Variants in RAPGEF6 observed in about 807,000 individuals in gnomAD.
RAPGEF6 encodes the protein PDZ domain containing guanine nucleotide exchange factor (GEF) 2.
RAPGEF6 carries 56 observed loss-of-function variants against 171.4 expected under a neutral mutation model. That is an observed-to-expected ratio of 0.33 (90% CI 0.26 to 0.41). RAPGEF6 has a LOEUF of 0.41. RAPGEF6 is among the 10% of genes least tolerant of loss of function. RAPGEF6 has a pLI of 1.00. For synonymous variants in RAPGEF6, 692 were observed against 650.1 expected (o/e 1.06, Z -0.98); for missense variants, 1,674 against 1,921.4 (o/e 0.87, Z 2.41).
intron 21 of RAPGEF6, among the ~76,000 whole-genome samples, chr5:131,448,251 T>A (rs1185080642): frequency 6.6e-6 from 1 of 152,206 alleles, no homozygotes; most frequent in East Asian, 1.9e-4. Context: ...TTTCAGAAGA[T>A]TCATATTTTG....
chr5:131,543,861 A>G (rs1482671845), intron 6 of RAPGEF6, among the ~76,000 whole-genome samples: 2 of 152,204 alleles, frequency 1.3e-5, no homozygotes, highest in African/African-American at 4.8e-5. Flanking sequence ...CTGAAACTAT[A>G]TGAAGACATT....
chr5:131,539,201 A>C (rs539823951), intron 6 of RAPGEF6, among the ~76,000 whole-genome samples: 1 of 152,376 alleles, frequency 6.6e-6, no homozygotes, highest in African/African-American at 2.4e-5. Flanking sequence ...TCCTGAGTTT[A>C]GAAGTAACAA....
At chr5:131,625,544 G>A (rs1169548212) in intron 1 of RAPGEF6, among the ~76,000 whole-genome samples, 1 of 151,716 alleles carries the variant, frequency 6.6e-6, no homozygotes, top group African/African-American at 2.4e-5. Flanking sequence ...GGCTGGGCAC[G>A]GTGGCTCACA....
intron 8 of RAPGEF6, among the ~76,000 whole-genome samples, chr5:131,509,843 A>G (rs1237878154): frequency 2.6e-5 from 4 of 152,228 alleles, no homozygotes; most frequent in Non-Finnish European, 5.9e-5. Context: ...GTTACCTGGT[A>G]TAACAAACAG....
rs963701570 is a variant in RAPGEF6, at chr5:131,426,743, G to A, written c.*523C>T. The A allele has an allele frequency of 2.3e-5, 4 of 171,474 alleles. No individual in the cohort carries two copies. The highest frequency in any genetic ancestry group is 3.7e-5 in the Non-Finnish European group (3 of 81,508). The allele number at this position is 171,474 out of a possible 1,614,324, so 10.6% of individuals were successfully genotyped here. A position where few individuals can be genotyped will look rare whatever the true frequency, so the allele number is the denominator to read the frequency against. ...AGATGACTTCTGTTTGGTCAGACCA[G>A]AGACAATTTTATGACCTCAAACATG... On this transcript the variant is annotated 3_prime_UTR_variant, in exon 28 of 28. Transcript: ENST00000509018.
At chr5:131,616,100 G>T (rs978444395) in intron 1 of RAPGEF6, among the ~76,000 whole-genome samples, 1 of 151,750 alleles carries the variant, frequency 6.6e-6, no homozygotes, top group Non-Finnish European at 1.5e-5. Flanking sequence ...TCTACCTAGG[G>T]GCGAAAAAAA....
At chr5:131,616,256 T>C (rs1165593502) in intron 1 of RAPGEF6, among the ~76,000 whole-genome samples, 2 of 152,248 alleles carry the variant, frequency 1.3e-5, no homozygotes, top group Non-Finnish European at 2.9e-5. Context: ...ACAACTCTTG[T>C]ATACCCTTTA....
At chr5:131,530,062 C>T (rs1233448109) in intron 6 of RAPGEF6, among the ~76,000 whole-genome samples, 2 of 150,816 alleles carry the variant, frequency 1.3e-5, no homozygotes, top group Non-Finnish European at 3.0e-5. Flanking sequence ...TATGTGGCAC[C>T]ACACCTGGCT....
chr5:131,583,440 G>A, intron 4 of RAPGEF6, among the ~76,000 whole-genome samples: 1 of 152,150 alleles, frequency 6.6e-6, no homozygotes, highest in East Asian at 1.9e-4. Flanking sequence ...GACCAACAAT[G>A]TCACTGAACA....
chr5:131,596,155 TAA>T (rs36079255), intron 3 of RAPGEF6, among the ~76,000 whole-genome samples: 8 of 127,092 alleles, frequency 6.3e-5, no homozygotes, highest in Non-Finnish European at 4.8e-5. Context: ...CTCCATCATA[TAA>T]AAAAAAAAAA....
At chr5:131,608,527 A>G (rs1764741285) in intron 1 of RAPGEF6, among the ~76,000 whole-genome samples, 1 of 152,204 alleles carries the variant, frequency 6.6e-6, no homozygotes, top group South Asian at 2.1e-4. Flanking sequence ...AGCAGTAGAT[A>G]TGGGTCATGC....
intron 7 of RAPGEF6, among the ~76,000 whole-genome samples, chr5:131,519,724 CAT>C (rs1233948185): frequency 6.6e-6 from 1 of 152,210 alleles, no homozygotes; most frequent in Non-Finnish European, 1.5e-5. Context: ...GATATTCTCA[CAT>C]GTCCTGAGAG....
intron 4 of RAPGEF6, among the ~76,000 whole-genome samples, chr5:131,564,865 T>C (rs1475551134): frequency 6.6e-6 from 1 of 152,212 alleles, no homozygotes; most frequent in East Asian, 1.9e-4. Context: ...TAAGGTCTGT[T>C]TGTTCCATTT....
chr5:131,509,522 G>A (rs1757583502), intron 8 of RAPGEF6, among the ~76,000 whole-genome samples: 4 of 150,314 alleles, frequency 2.7e-5, no homozygotes, highest in Admixed American at 1.3e-4. Context: ...CAGCCTGGGC[G>A]ACAGAGTGAG....
chr5:131,569,642 T>A (rs1053281778), intron 4 of RAPGEF6, among the ~76,000 whole-genome samples: 3 of 152,114 alleles, frequency 2.0e-5, no homozygotes, highest in African/African-American at 7.2e-5. Flanking sequence ...AATCGTGAGG[T>A]TGAAGATTTC....
chr5:131,554,469 T>TAGCATTAA (rs1175963926), intron 5 of RAPGEF6, among the ~76,000 whole-genome samples: 1 of 152,216 alleles, frequency 6.6e-6, no homozygotes, highest in African/African-American at 2.4e-5. Context: ...ATCTGGATAC[T>TAGCATTAA]AGCATTAAAT....
chr5:131,535,452 T>C (rs555406363), intron 6 of RAPGEF6, among the ~76,000 whole-genome samples: 3 of 152,304 alleles, frequency 2.0e-5, no homozygotes, highest in African/African-American at 7.2e-5. Context: ...CTCATCTCAT[T>C]ATCTTATCAA....
intron 3 of RAPGEF6, among the ~76,000 whole-genome samples, chr5:131,602,371 A>T (rs1192683999): frequency 6.6e-6 from 1 of 152,214 alleles, no homozygotes; most frequent in Non-Finnish European, 1.5e-5. Context: ...GCACATGACC[A>T]TAATTTTATT....
intron 4 of RAPGEF6, among the ~76,000 whole-genome samples, chr5:131,584,108 T>C (rs892221243): frequency 6.6e-6 from 1 of 152,234 alleles, no homozygotes; most frequent in African/African-American, 2.4e-5. Flanking sequence ...TTATTATCTT[T>C]GTAATACTGG....
Sources: allele counts gnomAD v4.1 joint callset (sites outside exome capture counted in the v4.1 genomes callset), GRCh38; gene constraint gnomAD v4.1.1; transcripts MANE v1.5; gene names NCBI Gene and HGNC (gene_info 2026-07-23, HGNC 2026-07-21).